The following ROCK1 variants were observed in gnomAD, a reference collection of about 807,000 sequenced individuals.
The protein encoded by ROCK1 is Rho associated coiled-coil containing protein kinase 1.
A neutral mutation model predicts 196.8 loss-of-function variants in ROCK1; 36 were observed. The ratio of observed to expected loss-of-function variants is 0.18; its 90% CI spans 0.14 to 0.24. The LOEUF is 0.24. ROCK1 is among the 10% of genes least tolerant of loss of function. The probability of loss-of-function intolerance (pLI) is 1.00; values close to 1 mark genes in which losing one functional copy is unlikely to be tolerated. For missense variants in ROCK1, 920 were observed against 1,562.0 expected (o/e 0.59, Z 6.93); for synonymous variants, 443 against 515.9 (o/e 0.86, Z 1.91).
intron 2 of ROCK1, among the ~76,000 whole-genome samples, chr18:21,068,499 T>A (rs2036356269): frequency 6.6e-6 from 1 of 152,212 alleles, no homozygotes; most frequent in Non-Finnish European, 1.5e-5. Flanking sequence ...CTGGTCACCT[T>A]ATACAAAAAA....
chr18:21,060,853 A>C (rs1405201050), intron 2 of ROCK1, among the ~76,000 whole-genome samples: 2 of 151,688 alleles, frequency 1.3e-5, no homozygotes, highest in Non-Finnish European at 2.9e-5. Flanking sequence ...AAAAAAAAAA[A>C]AAAAAAAACC....
intron 1 of ROCK1, among the ~76,000 whole-genome samples, chr18:21,080,811 A>G (rs1453338432): frequency 6.6e-6 from 1 of 152,230 alleles, no homozygotes; most frequent in African/African-American, 2.4e-5. Flanking sequence ...TCATAAATTT[A>G]TATGCGTCAA....
At chr18:20,971,144 C>T (rs1403489495) in intron 22 of ROCK1, among the ~76,000 whole-genome samples, 1 of 152,094 alleles carries the variant, frequency 6.6e-6, no homozygotes, top group Non-Finnish European at 1.5e-5. Context: ...CTCAAAGAGC[C>T]TCTCTTGGAT....
At chr18:21,038,223 C>G (rs2036073966) in intron 9 of ROCK1, among the ~76,000 whole-genome samples, 1 of 152,102 alleles carries the variant, frequency 6.6e-6, no homozygotes, top group African/African-American at 2.4e-5. Context: ...ATTTCACTTG[C>G]AGCATGAAGA....
chr18:20,980,033 G>A (rs1197788120), intron 21 of ROCK1, 29 bp from the exon 22 acceptor site: 3 of 1,494,094 alleles, frequency 2.0e-6, no homozygotes, highest in South Asian at 2.6e-5. Flanking sequence ...GGAGAAATAA[G>A]TGTTTATGGT....
intron 2 of ROCK1, among the ~76,000 whole-genome samples, chr18:21,062,928 C>T (rs2036304008): frequency 6.6e-6 from 1 of 152,106 alleles, no homozygotes; most frequent in African/African-American, 2.4e-5. Flanking sequence ...AACATAAATG[C>T]CCCTGCTCTC....
chr18:21,107,779 C>A (rs981625163), intron 1 of ROCK1, among the ~76,000 whole-genome samples: 2 of 152,188 alleles, frequency 1.3e-5, no homozygotes, highest in African/African-American at 4.8e-5. Context: ...TTGGGCCAGG[C>A]ACGGTGGCTC....
chr18:20,968,042 A>G, intron 25 of ROCK1, 102 bp from the exon 26 acceptor site: 14 of 1,116,646 alleles, frequency 1.3e-5, no homozygotes. Context: ...TTCTGTGTGT[A>G]TGAAAATTAG....
intron 14 of ROCK1, among the ~76,000 whole-genome samples, chr18:21,007,349 G>T (rs527327542): frequency 6.6e-6 from 1 of 151,972 alleles, no homozygotes; most frequent in African/African-American, 2.4e-5. Context: ...TTTTATAACC[G>T]TATTTAAGGA....
At chr18:20,992,614 A>G (rs2035636054) in intron 17 of ROCK1, among the ~76,000 whole-genome samples, 1 of 152,216 alleles carries the variant, frequency 6.6e-6, no homozygotes, top group African/African-American at 2.4e-5. Flanking sequence ...AACATGAAAC[A>G]TCTAATGCTC....
At chr18:21,006,322 T>A in intron 16 of ROCK1, 29 bp downstream of exon 16, 2 of 1,556,694 alleles carry the variant, frequency 1.3e-6, no homozygotes, top group South Asian at 2.3e-5. Context: ...ATGTTACGTA[T>A]ATTTTACCAC....
At chr18:21,011,407 C>A (rs1409588259) in intron 13 of ROCK1, among the ~76,000 whole-genome samples, 1 of 152,140 alleles carries the variant, frequency 6.6e-6, no homozygotes, top group African/African-American at 2.4e-5. Flanking sequence ...GTATTGGCAT[C>A]TTACCAGTTT....
intron 11 of ROCK1, among the ~76,000 whole-genome samples, chr18:21,021,185 C>A (rs1408449632): frequency 6.6e-6 from 1 of 152,144 alleles, no homozygotes; most frequent in Non-Finnish European, 1.5e-5. Flanking sequence ...GAAAGACAGC[C>A]AACACACTGC....
In ROCK1 at chr18:20,954,448, C is replaced by G. The variant is rs553890319; in HGVS notation, c.3853+335G>C. On this transcript the variant is annotated intron_variant, in intron 31 of 32. Coordinates refer to ENST00000399799, the MANE Select transcript of ROCK1 (RefSeq NM_005406.3). Reference sequence around the variant, plus strand: ...AAAATTAGCCGGGTGTGGTGGCACACGCCTATAGTCCCAGCTACTCAGGAG... The same window carrying G: ...AAAATTAGCCGGGTGTGGTGGCACAGGCCTATAGTCCCAGCTACTCAGGAG... Among the ~76,000 whole-genome samples, 17 of 149,542 alleles carry G rather than the reference C, an allele frequency of 1.1e-4. No individual in the cohort carries two copies. The South Asian group carries it at 3.4e-3, about 30-fold the overall frequency.
At chr18:21,022,139 C>T (rs189292195) in intron 11 of ROCK1, among the ~76,000 whole-genome samples, 26 of 152,070 alleles carry the variant, frequency 1.7e-4, no homozygotes, top group Admixed American at 8.5e-4. Flanking sequence ...TGTAGGCTTG[C>T]AATGTCTCTG....
At chr18:21,041,790 T>A (rs114617646) in intron 8 of ROCK1, among the ~76,000 whole-genome samples, 1,965 of 152,136 alleles carry the variant, frequency 0.013, 40 homozygotes, top group African/African-American at 0.045. Flanking sequence ...TGTTAAAAAA[T>A]TTTTTTAGAT....
At chr18:20,959,274 C>A (rs2035302940) in intron 29 of ROCK1, among the ~76,000 whole-genome samples, 1 of 127,540 alleles carries the variant, frequency 7.8e-6, no homozygotes, top group South Asian at 2.4e-4. Context: ...TGCAGTGGCG[C>A]AATCTAGGCT....
intron 29 of ROCK1, among the ~76,000 whole-genome samples, chr18:20,956,264 A>T (rs1048085974): frequency 6.6e-6 from 1 of 152,222 alleles, no homozygotes; most frequent in African/African-American, 2.4e-5. Context: ...ATTTGTATAT[A>T]ACCTAAGTAC....
At chr18:21,110,392 T>C (rs774506071) in intron 1 of ROCK1, among the ~76,000 whole-genome samples, 17 of 152,090 alleles carry the variant, frequency 1.1e-4, no homozygotes, top group South Asian at 4.1e-4. Flanking sequence ...ACTAAACCCC[T>C]AGGAGCTAAA....
Sources: gnomAD v4.1 joint callset for allele counts (sites outside exome capture counted in the v4.1 genomes callset) on GRCh38, gnomAD v4.1.1 for gene constraint, MANE v1.5 for transcripts, NCBI Gene and HGNC (gene_info 2026-07-23, HGNC 2026-07-21) for gene names.